MAP7: variants seen among roughly 807,000 people sequenced by gnomAD.
The protein encoded by MAP7 is ensconsin.
In MAP7, 52 loss-of-function variants were observed where a neutral mutation model predicts 94.8. That is an observed-to-expected ratio of 0.55 (90% CI 0.44 to 0.69). The LOEUF (loss-of-function observed/expected upper bound fraction) is 0.69, where lower values mean the gene tolerates loss of function less well. Among genes scored for constraint, MAP7 ranks in the 30% least tolerant of loss-of-function variants. The probability of loss-of-function intolerance (pLI) is 0.00; values close to 1 mark genes in which losing one functional copy is unlikely to be tolerated. For synonymous variants in MAP7, 350 were observed against 357.0 expected (o/e 0.98, Z 0.22); for missense variants, 940 against 964.6 (o/e 0.97, Z 0.34).
chr6:136,432,415 G>A (rs9321558), intron 1 of MAP7, among the ~76,000 whole-genome samples: 112,149 of 152,026 alleles, frequency 0.74, 42,542 homozygotes, highest in Middle Eastern at 0.85. Flanking sequence ...GAAAATAGTG[G>A]GAGAAGCAAT....
chr6:136,504,798 G>A (rs182788386), intron 1 of MAP7, among the ~76,000 whole-genome samples: 32 of 152,308 alleles, frequency 2.1e-4, no homozygotes, highest in African/African-American at 7.5e-4. Context: ...CTTGTGCCCA[G>A]CCTCCCAAGG....
chr6:136,402,942 G>GAAAGAA (rs1784585109), intron 3 of MAP7, among the ~76,000 whole-genome samples: 1 of 88,284 alleles, frequency 1.1e-5, no homozygotes, highest in East Asian at 3.7e-4. Context: ...AAAAAAAAAA[G>GAAAGAA]AAAGAAAAAG....
intron 1 of MAP7, among the ~76,000 whole-genome samples, chr6:136,524,286 T>TG (rs61263082): frequency 0.024 from 3,708 of 152,184 alleles, 154 homozygotes; most frequent in African/African-American, 0.083. Context: ...ATAAAATGGA[T>TG]GGCTATCCTA....
intron 3 of MAP7, among the ~76,000 whole-genome samples, chr6:136,400,307 TAGGGAGGCTGAGGC>T (rs1021697101): frequency 3.3e-4 from 50 of 151,172 alleles, no homozygotes; most frequent in South Asian, 1.3e-3. Flanking sequence ...TCCCAACTAC[TAGGGAGGCTGAGGC>T]AGGAGAATCA....
At chr6:136,392,684 T>C (rs558162638) in intron 3 of MAP7, among the ~76,000 whole-genome samples, 2 of 152,278 alleles carry the variant, frequency 1.3e-5, no homozygotes, top group South Asian at 2.1e-4. Context: ...ATTTAAAATT[T>C]TGATAGATAT....
chr6:136,521,467 T>C (rs565771972), intron 1 of MAP7, among the ~76,000 whole-genome samples: 1 of 152,238 alleles, frequency 6.6e-6, no homozygotes, highest in South Asian at 2.1e-4. Context: ...CAAGTAAAAG[T>C]CATTTAGAGT....
At chr6:136,378,912 A>C (rs1242930737) in intron 6 of MAP7, among the ~76,000 whole-genome samples, 1 of 152,160 alleles carries the variant, frequency 6.6e-6, no homozygotes, top group Non-Finnish European at 1.5e-5. Context: ...TTTTTGTTTA[A>C]GACAGGGATC....
chr6:136,529,281 ATT>A (rs57942435), intron 1 of MAP7, among the ~76,000 whole-genome samples: 1 of 149,950 alleles, frequency 6.7e-6, no homozygotes, highest in African/African-American at 2.4e-5. Flanking sequence ...CACCCAGCTA[ATT>A]TTTTTTTTGC....
chr6:136,457,092 T>A (rs1196133197), intron 1 of MAP7, among the ~76,000 whole-genome samples: 11 of 133,272 alleles, frequency 8.3e-5, no homozygotes, highest in South Asian at 2.4e-4. Context: ...CAAAAAAAAA[T>A]CAGAGATGAA....
Position 136,411,763 on chromosome 6 carries a change from A to G in MAP7, c.167-66T>C. ...TTAAAAAAAAAAAGAAAAAGAAAAA[A>G]CACACATTGATAAATATCCAGTAAA... On this transcript the variant is annotated intron_variant, in intron 2 of 17. Coordinates refer to ENST00000354570, the MANE Select transcript of MAP7 (RefSeq NM_003980.6). 7.9e-6 allele frequency: 10 copies of G among 1,259,736 alleles called. 1 individual carries two copies. The highest frequency in any genetic ancestry group is 1.1e-5 in the Non-Finnish European group (10 of 899,946). The allele number at this position is 1,259,736 out of a possible 1,614,324, so 78.0% of individuals were successfully genotyped here. A position where few individuals can be genotyped will look rare whatever the true frequency, so the allele number is the denominator to read the frequency against.
At position 136,346,087 on chromosome 6, in the gene MAP7, A is replaced by G. The variant is rs1787625552; in HGVS notation, c.2016-8T>C. The G allele has an allele frequency of 6.4e-7, 1 of 1,555,364 alleles. No homozygotes were observed. The highest frequency in any genetic ancestry group is 1.1e-5 in the South Asian group (1 of 87,282). On this transcript the variant is annotated splice_polypyrimidine_tract_variant and splice_region_variant and intron_variant, in intron 16 of 17. Transcript: ENST00000354570. ...TTTTCCAAATCGGGAGTGCTAAGGAATTTGAAAAATAAAAATAGAAATAAG... is the reference window on the plus strand; with the variant it reads ...TTTTCCAAATCGGGAGTGCTAAGGAGTTTGAAAAATAAAAATAGAAATAAG...
intron 1 of MAP7, among the ~76,000 whole-genome samples, chr6:136,501,398 T>C (rs913336601): frequency 6.6e-6 from 1 of 152,226 alleles, no homozygotes; most frequent in African/African-American, 2.4e-5. Flanking sequence ...TATTTCTTGC[T>C]AGTTACTTCA....
chr6:136,368,202 T>C (rs1452383087), intron 8 of MAP7, among the ~76,000 whole-genome samples: 1 of 152,146 alleles, frequency 6.6e-6, no homozygotes, highest in Non-Finnish European at 1.5e-5. Context: ...AGGGAGTTTT[T>C]TTTTTTCTTT....
chr6:136,346,392 C>T lies in MAP7; in HGVS notation c.2016-313G>A, dbSNP rs1005455677. On this transcript the variant is annotated intron_variant, in intron 16 of 17. Coordinates refer to ENST00000354570, the MANE Select transcript of MAP7 (RefSeq NM_003980.6). The stretch of plus-strand genomic sequence containing the variant: ...AGCCTGGTAAACATAGCAAGACCCC[C>T]GTCTCTACAAAAGAAAAAAATTAGC... Among the ~76,000 whole-genome samples the T allele has an allele frequency of 9.2e-5, 14 of 152,096 alleles. No homozygotes were observed. In the South Asian group the frequency reaches 2.9e-3, roughly 32 times the overall value.
At chr6:136,478,413 T>C (rs560981676) in intron 1 of MAP7, among the ~76,000 whole-genome samples, 20 of 151,716 alleles carry the variant, frequency 1.3e-4, no homozygotes, top group African/African-American at 4.8e-4. Flanking sequence ...CAAGACCCTG[T>C]CTGTACCAAA....
Position 136,366,429 on chromosome 6 carries a change from T to C in MAP7, c.887A>G (p.Lys296Arg). ...RIIHGTASYK[K>R]ERERENVLFL... ...GAGTACATTTTCTCTCTCTCTTTCT[T>C]TTTTATAGCTCTAAGTTCAGAGAAA... Residue 296 changes from lysine to arginine, a missense_variant, in exon 9 of 18, where the codon AAA becomes AGA. Transcript: ENST00000354570. 6.2e-7 allele frequency: 1 copy of C among 1,610,018 alleles called. No homozygotes were observed. The highest frequency in any genetic ancestry group is 8.5e-7 in the Non-Finnish European group (1 of 1,176,316).
chr6:136,356,611 T>C (rs1021025431), intron 16 of MAP7, 81 bp downstream of exon 16: 14 of 1,093,798 alleles, frequency 1.3e-5, no homozygotes, highest in African/African-American at 4.6e-5. Context: ...TAAATCCTAA[T>C]GTTAAGACTT....
chr6:136,456,176 T>C (rs796591452), intron 1 of MAP7, among the ~76,000 whole-genome samples: 6 of 152,328 alleles, frequency 3.9e-5, no homozygotes, highest in African/African-American at 1.4e-4. Context: ...TCTGTTTGTT[T>C]TTCTCCTGTT....
chr6:136,440,398 G>C (rs1797497526), intron 1 of MAP7, among the ~76,000 whole-genome samples: 1 of 152,158 alleles, frequency 6.6e-6, no homozygotes, highest in African/African-American at 2.4e-5. Flanking sequence ...GTCCTAAAGA[G>C]TGAGTAGGTA....
Sources: allele counts gnomAD v4.1 joint callset (sites outside exome capture counted in the v4.1 genomes callset), GRCh38; gene constraint gnomAD v4.1.1; transcripts MANE v1.5; gene names NCBI Gene and HGNC (gene_info 2026-07-23, HGNC 2026-07-21).